RBM10: variants seen among roughly 807,000 people sequenced by gnomAD.
The protein encoded by RBM10 is RNA-binding protein 10.
A neutral mutation model predicts 84.9 loss-of-function variants in RBM10; 1 was observed. The observed-to-expected ratio is 0.01, with a 90% CI of 0.00 to 0.06. The LOEUF is 0.06. Ranked by LOEUF, RBM10 falls within the 10% of genes least tolerant of loss-of-function variation. The pLI is 1.00. For missense variants in RBM10, 438 were observed against 839.0 expected, an observed-to-expected ratio of 0.52 and a Z score of 5.90; for synonymous variants, 326 against 344.5, an observed-to-expected ratio of 0.95 and a Z score of 0.60.
intron 2 of RBM10, among the ~76,000 whole-genome samples, chrX:47,165,244 G>A (rs782219169): frequency 5.4e-5 from 6 of 111,400 alleles, no homozygotes; most frequent in Admixed American, 9.6e-5. Context: ...GGCTGGGCGC[G>A]GTGGCTCATA....
intron 2 of RBM10, among the ~76,000 whole-genome samples, chrX:47,168,725 A>G (rs1934420391): frequency 9.0e-6 from 1 of 111,290 alleles, no homozygotes; most frequent in African/African-American, 3.3e-5. Context: ...GGATCCTGCA[A>G]GCCGAATGAG....
chrX:47,157,306 C>T (rs782443790), intron 2 of RBM10: 62 of 331,126 alleles, frequency 1.9e-4, no homozygotes, highest in African/African-American at 1.3e-3. Flanking sequence ...TTGTACAGAA[C>T]GGTGTTGTGG....
In RBM10 at chrX:47,171,054, C is replaced by T. The variant is rs368904095; in HGVS notation, c.228C>T (p.Ser76=). 5.0e-6 allele frequency: 6 copies of T among 1,209,256 alleles called. No individual in the cohort carries two copies. Among genetic ancestry groups the T allele is most frequent in the African/African-American group, 1.7e-5 (1 of 57,175 alleles). The change falls in exon 4 of 24, where the codon TCC becomes TCT. Residue 76 remains serine (S), a synonymous_variant. Transcript: ENST00000377604. ...ATTCCTACGAGGCCTCCCCGGGCTCCGAGACTCAGCGTAGGCGGCGGCGGC... is the reference window on the plus strand; with the variant it reads ...ATTCCTACGAGGCCTCCCCGGGCTCTGAGACTCAGCGTAGGCGGCGGCGGC... ...AEDSYEASPG[S]ETQRRRRRRH...
chrX:47,186,636 C>T lies in RBM10; in HGVS notation c.*37C>T. The T allele has an allele frequency of 8.3e-7, 1 of 1,208,681 alleles. No homozygotes were observed. Among genetic ancestry groups the T allele is most frequent in the Non-Finnish European group, 1.1e-6 (1 of 893,439 alleles). On this transcript the variant is annotated 3_prime_UTR_variant, in exon 24 of 24. Coordinates refer to ENST00000377604, the MANE Select transcript of RBM10 (RefSeq NM_005676.5). Reference sequence around the variant, plus strand: ...AGCAACTTCTCCACATGTTGGGTGTCCATCCTGGGGCAGGGAAGGACAGAG... The same window carrying T: ...AGCAACTTCTCCACATGTTGGGTGTTCATCCTGGGGCAGGGAAGGACAGAG...
At chrX:47,158,443 G>A (rs1298118557) in intron 2 of RBM10, among the ~76,000 whole-genome samples, 4 of 111,901 alleles carry the variant, frequency 3.6e-5, no homozygotes, top group South Asian at 3.7e-4. Context: ...TCACTCTGTC[G>A]CCCAGGCTGG....
At position 47,154,439 on chromosome X, in the gene RBM10, TTTTG is replaced by T. The variant is rs201095307; in HGVS notation, c.17+6961_17+6964del. Reference sequence around the variant, plus strand: ...AGTTCTTGATTTTTTTTCCTTTTTTTTTTGTTTGTTTGTTTGTTTGTTTTTGTTT... The same window carrying T: ...AGTTCTTGATTTTTTTTCCTTTTTTTTTTGTTTGTTTGTTTGTTTTTGTTT... On this transcript the variant is annotated intron_variant, in intron 2 of 23. Transcript: ENST00000377604. Among the ~76,000 whole-genome samples the T allele has an allele frequency of 8.0e-3, 870 of 108,977 alleles. 9 individuals carry two copies. The highest frequency in any genetic ancestry group is 0.028 in the African/African-American group (835 of 29,845). 94.6% of individuals were successfully genotyped at this position (108,977 alleles called of 115,157 possible).
intron 15 of RBM10, 42 bp from the exon 16 acceptor site, chrX:47,181,909 T>C (rs782377427): frequency 8.3e-7 from 1 of 1,210,944 alleles, no homozygotes; most frequent in Admixed American, 2.2e-5. Flanking sequence ...GAGTTCTTAA[T>C]AAAGCAGGGA....
At chrX:47,179,810 T>C in intron 9 of RBM10, 70 bp from the exon 10 acceptor site, 8 of 1,113,704 alleles carry the variant, frequency 7.2e-6, no homozygotes, top group Non-Finnish European at 9.7e-6. Context: ...AAGGGAGCAG[T>C]GGGGGCATTG....
rs2147191877 is a variant in RBM10, at chrX:47,181,765, C to T, written c.1592C>T (p.Ser531Leu). The change falls in exon 15 of 24, where the codon TCA (serine) becomes TTA (leucine). Residue 531 changes from serine to leucine, a missense_variant. By Grantham distance (145) the Ser-to-Leu change is moderately radical. Around this residue, in one of 8 missense-constraint regions of RBM10, gnomAD observed 97 missense variants for 110.3 expected, o/e 0.88. Coordinates refer to ENST00000377604, the MANE Select transcript of RBM10 (RefSeq NM_005676.5). ...CATGACCAGTCGTATACCATCATGT[C>T]ACCCGCTGTGCTCAAATCTGAGCTC... ...AANSQSYTIM[S>L]PAVLKSELQS... The T allele has an allele frequency of 8.3e-7, 1 of 1,211,256 alleles. No individual in the cohort carries two copies. The highest frequency in any genetic ancestry group is 1.8e-5 in the South Asian group (1 of 56,924).
At chrX:47,167,070 C>G (rs782474647) in intron 2 of RBM10, among the ~76,000 whole-genome samples, 95 of 110,702 alleles carry the variant, frequency 8.6e-4, no homozygotes, top group Non-Finnish European at 1.4e-3. Flanking sequence ...CCACCGCGCC[C>G]GGCAAAATTT....
chrX:47,162,422 A>G (rs1310615215), intron 2 of RBM10, among the ~76,000 whole-genome samples: 1 of 112,137 alleles, frequency 8.9e-6, no homozygotes, highest in Admixed American at 9.5e-5. Context: ...CTTCCTTACT[A>G]GTGATTATTG....
intron 2 of RBM10, among the ~76,000 whole-genome samples, chrX:47,153,639 G>C (rs1286789073): frequency 8.9e-6 from 1 of 111,880 alleles, no homozygotes; most frequent in Non-Finnish European, 1.9e-5. Flanking sequence ...TTATCAGTGA[G>C]GTAGTCCAAT....
intron 17 of RBM10, among the ~76,000 whole-genome samples, chrX:47,184,657 T>C: frequency 9.0e-6 from 1 of 111,136 alleles, no homozygotes; most frequent in Non-Finnish European, 1.9e-5. Flanking sequence ...CCCGCCACTC[T>C]GTCCACACTG....
chrX:47,173,299 T>C lies in RBM10; in HGVS notation c.502+102T>C, dbSNP rs181517510. ...TCCCCCACTCCCTCCACCACCTTCC[T>C]GCCACAGCTGGGAATGGGCAGCGTG... is the stretch of plus-strand genomic sequence containing the variant. On this transcript the variant is annotated intron_variant, in intron 5 of 23. Coordinates refer to ENST00000377604, the MANE Select transcript of RBM10 (RefSeq NM_005676.5). 5.1e-4 allele frequency: 600 copies of C among 1,167,757 alleles called. 3 individuals carry two copies. The African/African-American group carries it at 8.6e-3, about 17-fold the overall frequency.
At chrX:47,145,830 G>A (rs1421961976) in intron 1 of RBM10, among the ~76,000 whole-genome samples, 1 of 104,051 alleles carries the variant, frequency 9.6e-6, no homozygotes, top group Admixed American at 1.0e-4. Flanking sequence ...GCATAGGAGA[G>A]GGGATGCTGC....
rs1188560919 is a variant in RBM10, at chrX:47,157,057, A to G, written c.17+9559A>G. On this transcript the variant is annotated intron_variant, in intron 2 of 23. Coordinates refer to ENST00000377604, the MANE Select transcript of RBM10 (RefSeq NM_005676.5). ...ATGATGATGTCGGTGCCGAACAGCAATACTCCCAGTGCCTGCCGCAGGGCC... is the reference window on the plus strand; with the variant it reads ...ATGATGATGTCGGTGCCGAACAGCAGTACTCCCAGTGCCTGCCGCAGGGCC... The G allele has an allele frequency of 2.8e-5, 8 of 289,898 alleles. No individual in the cohort carries two copies. In the East Asian group the frequency reaches 6.3e-4, roughly 23 times the overall value. The allele number at this position is 289,898 out of a possible 1,213,427, so 23.9% of individuals were successfully genotyped here.
chrX:47,185,332 A>G lies in RBM10; in HGVS notation c.2131A>G (p.Met711Val), dbSNP rs1935823108. The G allele has an allele frequency of 8.3e-7, 1 of 1,209,465 alleles. No homozygotes were observed. The highest frequency in any genetic ancestry group is 1.1e-6 in the Non-Finnish European group (1 of 894,233). Residue 711 changes from methionine to valine, a missense_variant, in exon 19 of 24, where the codon ATG (methionine) becomes GTG (valine). Transcript: ENST00000377604. ...ACTAGCCGAGAGACAGCACACCAGC[A>G]TGGATCTCCCGAAATTGGCCAGTGA... ...GALAERQHTS[M>V]DLPKLASDDR...
At position 47,147,387 on chromosome X, in the gene RBM10, C is replaced by A. The variant is rs781937346; in HGVS notation, c.-95C>A. 6.6e-6 allele frequency: 8 copies of A among 1,206,777 alleles called. No individual in the cohort carries two copies. Among genetic ancestry groups the A allele is most frequent in the Non-Finnish European group, 9.0e-6 (8 of 892,567 alleles). On this transcript the variant is annotated 5_prime_UTR_variant, in exon 2 of 24. Transcript: ENST00000377604. ...CTGCAGGAAGCATCACCCAGGCTGG[C>A]AGATCATGGTAGCAGCAGCGGGGGT...
chrX:47,185,252 C>T (rs2147212535), intron 18 of RBM10, 48 bp downstream of exon 18: 4 of 1,211,784 alleles, frequency 3.3e-6, no homozygotes, highest in Non-Finnish European at 4.5e-6. Context: ...TCTTGTCCTT[C>T]CTTTGGGCCC....
Sources: allele counts gnomAD v4.1 joint callset (sites outside exome capture counted in the v4.1 genomes callset), GRCh38; gene constraint gnomAD v4.1.1; regional missense constraint gnomAD v4.1.1; transcripts MANE v1.5; gene names NCBI Gene and HGNC (gene_info 2026-07-23, HGNC 2026-07-21).